USP30: variants seen among roughly 807,000 people sequenced by gnomAD.
USP30 encodes the protein ubiquitin specific peptidase 30, also known as ubiquitin carboxyl-terminal hydrolase 30.
A neutral mutation model predicts 68.2 loss-of-function variants in USP30; 41 were observed. The observed-to-expected ratio is 0.60, with a 90% CI of 0.47 to 0.78. The LOEUF (loss-of-function observed/expected upper bound fraction) is 0.78, where lower values mean the gene tolerates loss of function less well. USP30 is among the 30% of genes least tolerant of loss of function. USP30 has a pLI of 0.00. For synonymous variants in USP30, 229 were observed against 253.7 expected (o/e 0.90, Z 0.93); for missense variants, 522 against 649.4 (o/e 0.80, Z 2.13).
At position 109,085,518 on chromosome 12, in the gene USP30, A is replaced by G. The variant is rs2041921298; in HGVS notation, c.1290-149A>G. On this transcript the variant is annotated intron_variant, in intron 12 of 12. Transcript: ENST00000257548. The stretch of plus-strand genomic sequence containing the variant: ...TACATCTTGCCATGCCAGTAAATAC[A>G]GATCTGTATTTTAATAGTTGTGTAG... 4.8e-5 allele frequency: 45 copies of G among 934,622 alleles called. 1 individual carries two copies. The South Asian group carries it at 6.2e-4, about 13-fold the overall frequency. The allele number at this position is 934,622 out of a possible 1,614,324, so 57.9% of individuals were successfully genotyped here.
chr12:109,077,002 G>A (rs1031444441), intron 7 of USP30, among the ~76,000 whole-genome samples: 4 of 152,126 alleles, frequency 2.6e-5, no homozygotes, highest in African/African-American at 9.7e-5. Context: ...AAAGTGCTGG[G>A]ATTACAGGCA....
Position 109,052,747 on chromosome 12 carries a change from CG to C in USP30, c.73del (p.Ala25ArgfsTer8). Reference sequence around the variant, plus strand: ...GGGCCATCCAGCGCTTCCTGCGGACCGGGGCGGCCGTCAGGTGAGATTTTGG... The same window carrying C: ...GGGCCATCCAGCGCTTCCTGCGGACCGGGCGGCCGTCAGGTGAGATTTTGG... ...DRAIQRFLRTGAAVRYKVMKN... is the reference protein window; with the variant it reads ...DRAIQRFLRTXAAVRYKVMKN... On this transcript the variant is annotated frameshift_variant, in exon 1 of 13. Transcript: ENST00000257548. LOFTEE classifies it high-confidence loss of function. The C allele has an allele frequency of 2.1e-6, 3 of 1,454,448 alleles. No individual in the cohort carries two copies. The highest frequency in any genetic ancestry group is 1.8e-6 in the Non-Finnish European group (2 of 1,103,998). The allele number at this position is 1,454,448 out of a possible 1,614,324, so 90.1% of individuals were successfully genotyped here. A position where few individuals can be genotyped will look rare whatever the true frequency, so the allele number is the denominator to read the frequency against.
rs71079521 is a variant in USP30 at position 109,079,351 on chromosome 12, C to CTTTTTTTTTTTTTTTTTTTTTTTT, written c.721-1978_721-1955dup. 1.4e-3 allele frequency among the ~76,000 whole-genome samples: 66 copies of CTTTTTTTTTTTTTTTTTTTTTTTT among 48,806 alleles called. 7 individuals carry two copies. Among genetic ancestry groups the CTTTTTTTTTTTTTTTTTTTTTTTT allele is most frequent in the African/African-American group, 3.5e-3 (42 of 11,848 alleles). The allele number at this position is 48,806 out of a possible 152,430, so 32.0% of individuals were successfully genotyped here. On this transcript the variant is annotated intron_variant, in intron 7 of 12. Coordinates refer to ENST00000257548, the MANE Select transcript of USP30 (RefSeq NM_032663.5). ...TTCTTTTCTTTTTCTTTTTTTTTTT[C>CTTTTTTTTTTTTTTTTTTTTTTTT]TTTTTTTTTTTTTTTTTTTTTTTTT...
At chr12:109,049,300 C>T (rs903677664), upstream of USP30, among the ~76,000 whole-genome samples, 1 of 152,082 alleles carries the variant, frequency 6.6e-6, no homozygotes, top group Admixed American at 6.6e-5. Context: ...CATTTAGAGG[C>T]GTGGACTGAA....
chr12:109,038,256 A>G (rs1028505948), intron 3 of USP30, among the ~76,000 whole-genome samples: 2 of 135,766 alleles, frequency 1.5e-5, no homozygotes, highest in Non-Finnish European at 3.0e-5. Context: ...GCAGCTCCCA[A>G]TTGTAAGCAT....
intron 3 of USP30, among the ~76,000 whole-genome samples, chr12:109,041,958 A>G (rs1353054872): frequency 6.6e-6 from 1 of 152,158 alleles, no homozygotes; most frequent in Non-Finnish European, 1.5e-5. Flanking sequence ...CTCTCAAATT[A>G]TTTTTTAATT....
At chr12:109,080,421 C>T (rs552324915) in intron 7 of USP30, among the ~76,000 whole-genome samples, 9 of 152,278 alleles carry the variant, frequency 5.9e-5, no homozygotes, top group East Asian at 1.9e-4. Context: ...TTCATTCAAA[C>T]GGTTTTGTTT....
chr12:109,067,176 C>A (rs546876478), intron 3 of USP30, among the ~76,000 whole-genome samples: 1 of 143,880 alleles, frequency 7.0e-6, no homozygotes, highest in South Asian at 2.2e-4. Flanking sequence ...TGCAGTGGCA[C>A]GATGTCTGCT....
chr12:109,026,745 G>A lies in USP30; in HGVS notation c.-227-720G>A, dbSNP rs556444439. 3.9e-5 allele frequency among the ~76,000 whole-genome samples: 6 copies of A among 152,228 alleles called. No homozygotes were observed. The East Asian group carries it at 1.2e-3, about 29-fold the overall frequency. ...GGCCTCCCAAAGTGTTGAGATTACA[G>A]GTGTGAGCCACTACACCCAGCCCAG... On this transcript the variant is annotated intron_variant, in intron 2 of 15. Transcript: ENST00000392784.
chr12:109,038,200 T>A (rs1040939245), intron 3 of USP30, among the ~76,000 whole-genome samples: 1 of 114,294 alleles, frequency 8.7e-6, no homozygotes, highest in Non-Finnish European at 1.7e-5. Flanking sequence ...TGTATGTTGG[T>A]TCCCGCCCCC....
At chr12:109,052,471 A>T, upstream of USP30, 1 of 433,306 alleles carries the variant, frequency 2.3e-6, no homozygotes, top group Non-Finnish European at 4.0e-6. Flanking sequence ...CTAAGGGAAA[A>T]GAAAGAAAGG....
At chr12:109,069,252 A>G (rs932750935) in intron 4 of USP30, among the ~76,000 whole-genome samples, 2 of 152,160 alleles carry the variant, frequency 1.3e-5, no homozygotes, top group Non-Finnish European at 2.9e-5. Context: ...TAGGTTATAG[A>G]TCCACCTCCA....
upstream of USP30, among the ~76,000 whole-genome samples, chr12:109,048,601 G>A (rs1229535853): frequency 1.3e-5 from 2 of 151,716 alleles, no homozygotes; most frequent in South Asian, 2.1e-4. Flanking sequence ...TTAGCCAGGC[G>A]TGGTGGCACG....
intron 2 of USP30, among the ~76,000 whole-genome samples, chr12:109,057,578 G>C (rs1271321418): frequency 6.6e-6 from 1 of 152,192 alleles, no homozygotes; most frequent in Admixed American, 6.5e-5. Flanking sequence ...TCTGATTAAA[G>C]AAGAAAGAGA....
At chr12:109,076,424 T>C (rs1233528342) in intron 7 of USP30, among the ~76,000 whole-genome samples, 1 of 127,046 alleles carries the variant, frequency 7.9e-6, no homozygotes, top group Non-Finnish European at 1.7e-5. Context: ...TTTTTTTTTT[T>C]CTTTGCCTTA....
chr12:109,051,249 C>CTTTTTTTTTTTTTT (rs138942249), upstream of USP30, among the ~76,000 whole-genome samples: 1 of 63,566 alleles, frequency 1.6e-5, no homozygotes, highest in African/African-American at 7.4e-5. Context: ...TTACCTCTTG[C>CTTTTTTTTTTTTTT]TTTTTTTTTT....
rs188416495 is a variant in USP30 at position 109,085,038 on chromosome 12, G to T, written c.1254G>T (p.Pro418=). Reference sequence around the variant, plus strand: ...CTTTATTGCCAACGCTGTCAGCGCCGATGCCCTTCCCTCTCCCAGTTGTTC... The same window carrying T: ...CTTTATTGCCAACGCTGTCAGCGCCTATGCCCTTCCCTCTCCCAGTTGTTC... The part of the protein sequence containing the change: ...SPSLLPTLSA[P]MPFPLPVVPD... Residue 418 remains proline, a synonymous_variant, in exon 12 of 13, where the codon CCG becomes CCT. Transcript: ENST00000257548. 2 of 1,601,454 alleles carry T rather than the reference G, an allele frequency of 1.2e-6. No individual in the cohort carries two copies. Among genetic ancestry groups the T allele is most frequent in the African/African-American group, 2.7e-5 (2 of 74,580 alleles).
At chr12:109,082,395 T>A (rs1243708657) in intron 9 of USP30, 4 of 543,952 alleles carry the variant, frequency 7.4e-6, no homozygotes, top group Non-Finnish European at 1.3e-5. Context: ...ACAGAATTTT[T>A]GAAGACAGAG....
chr12:109,035,128 T>A (rs180833437), intron 3 of USP30, among the ~76,000 whole-genome samples: 51 of 152,314 alleles, frequency 3.3e-4, no homozygotes, highest in Admixed American at 1.2e-3. Flanking sequence ...AAAAAATTAA[T>A]GTAATCACCA....
Sources: allele counts gnomAD v4.1 joint callset (sites outside exome capture counted in the v4.1 genomes callset), GRCh38; gene constraint gnomAD v4.1.1; transcripts MANE v1.5; gene names NCBI Gene and HGNC (gene_info 2026-07-23, HGNC 2026-07-21).